Variants in MET observed in about 807,000 individuals in gnomAD.
The protein encoded by MET is MET proto-oncogene, receptor tyrosine kinase, also known as hepatocyte growth factor receptor.
In MET, 48 loss-of-function variants were observed where a neutral mutation model predicts 133.1. That is an observed-to-expected ratio of 0.36 (90% CI 0.29 to 0.46). MET has a LOEUF of 0.46. MET is among the 20% of genes least tolerant of loss of function. The pLI, the probability that MET is intolerant of heterozygous loss-of-function variation, is 1.00. For synonymous variants in MET, 628 were observed against 616.5 expected, an observed-to-expected ratio of 1.02 and a Z score of -0.28; for missense variants, 1,442 against 1,695.9, an observed-to-expected ratio of 0.85 and a Z score of 2.63.
intron 3 of MET, among the ~76,000 whole-genome samples, chr7:116,736,692 G>T (rs923139107): frequency 1.3e-5 from 2 of 152,142 alleles, no homozygotes; most frequent in South Asian, 4.1e-4. Flanking sequence ...GGTAAATTCA[G>T]ATTCTGCCCT....
At chr7:116,730,337 C>G (rs530688528) in intron 2 of MET, among the ~76,000 whole-genome samples, 1 of 152,016 alleles carries the variant, frequency 6.6e-6, no homozygotes, top group Admixed American at 6.5e-5. Context: ...GGGCAGGGGC[C>G]GGATGATGGG....
chr7:116,740,027 G>A lies in MET; in HGVS notation c.1470G>A (p.Val490=), dbSNP rs1281860482. 2 of 1,614,064 alleles carry A rather than the reference G, an allele frequency of 1.2e-6. No homozygotes were observed. The highest frequency in any genetic ancestry group is 4.5e-5 in the East Asian group (2 of 44,874). The change falls in exon 4 of 21, where the codon GTG becomes GTA. Residue 490 remains valine (V), a synonymous_variant. Coordinates refer to ENST00000397752, the MANE Select transcript of MET (RefSeq NM_000245.4). ...LLDSHPVSPE[V]IVEHTLNQNG... ...ACTCCCATCCAGTGTCTCCAGAAGT[G>A]ATTGTGGAGCATACATTAAACCAAA...
chr7:116,684,360 T>C (rs1485770040), intron 1 of MET, among the ~76,000 whole-genome samples: 4 of 152,220 alleles, frequency 2.6e-5, no homozygotes, highest in Non-Finnish European at 4.4e-5. Context: ...AATAAATGCT[T>C]ACTAAGTGCC....
intron 1 of MET, among the ~76,000 whole-genome samples, chr7:116,698,399 G>A (rs1797041741): frequency 6.6e-6 from 1 of 152,092 alleles, no homozygotes; most frequent in Admixed American, 6.6e-5. Context: ...TACATTTTCA[G>A]CCTCCTGTTT....
chr7:116,683,015 T>G (rs1476047036), intron 1 of MET, among the ~76,000 whole-genome samples: 2 of 152,186 alleles, frequency 1.3e-5, no homozygotes, highest in Non-Finnish European at 2.9e-5. Context: ...ACCTCCTCCC[T>G]CTATCCTACC....
At position 116,716,521 on chromosome 7, in the gene MET, G is replaced by GAAAGAAAGAA. The variant is rs1792242209; in HGVS notation, c.1201-15145_1201-15136dup. On this transcript the variant is annotated intron_variant, in intron 2 of 20. Transcript: ENST00000397752. ...AGAAAGAAAGAAAGAAAGAAAGAAA[G>GAAAGAAAGAA]AAAGAAAGAAAGAAAGAAGATATGA... Among the ~76,000 whole-genome samples, 10 of 148,618 alleles carry GAAAGAAAGAA rather than the reference G, an allele frequency of 6.7e-5. No individual in the cohort carries two copies. In the South Asian group the frequency reaches 2.2e-3, roughly 32 times the overall value.
chr7:116,722,769 G>C (rs1451988777), intron 2 of MET, among the ~76,000 whole-genome samples: 5 of 151,884 alleles, frequency 3.3e-5, no homozygotes, highest in Non-Finnish European at 5.9e-5. Context: ...ATGAAATTCT[G>C]GGTTGAAAAT....
In MET at chr7:116,778,971, C is replaced by T. The variant is rs1353133879; in HGVS notation, c.3522+14C>T. The T allele has an allele frequency of 2.5e-6, 4 of 1,613,160 alleles. No homozygotes were observed. The Admixed American group carries it at 6.7e-5, about 27-fold the overall frequency. Reference sequence around the variant, plus strand: ...AATGAGACTCATGTAAGTTGACTGCCAAGCTTACTAACTGGCAAACTAGCT... The same window carrying T: ...AATGAGACTCATGTAAGTTGACTGCTAAGCTTACTAACTGGCAAACTAGCT... On this transcript the variant is annotated intron_variant, in intron 17 of 20. Transcript: ENST00000397752.
intron 1 of MET, among the ~76,000 whole-genome samples, chr7:116,692,690 C>T (rs1179633030): frequency 6.6e-6 from 1 of 152,142 alleles, no homozygotes; most frequent in African/African-American, 2.4e-5. Flanking sequence ...AGGAAGTACT[C>T]CTAAATATCA....
chr7:116,789,330 A>C (rs890117771), intron 19 of MET, among the ~76,000 whole-genome samples: 1 of 152,136 alleles, frequency 6.6e-6, no homozygotes, highest in Non-Finnish European at 1.5e-5. Flanking sequence ...AGTGTCACAA[A>C]TTTACCATGT....
Position 116,763,125 on chromosome 7 carries a change from C to A in MET, c.2440C>A (p.Pro814Thr), listed in dbSNP as rs1052270861. Residue 814 changes from proline to threonine, a missense_variant, in exon 11 of 21, where the codon CCC (proline) becomes ACC (threonine). Around this residue, in one of 6 missense-constraint regions of MET, gnomAD observed 514 missense variants for 659.6 expected, o/e 0.78. Coordinates refer to ENST00000397752, the MANE Select transcript of MET (RefSeq NM_000245.4). ...PSLQQLNLQL[P>T]LKTKAFFMLD... ...CCTGCAACAGCTGAATCTGCAACTCCCCCTGAAAACCAAAGCCTTTTTCAT... is the reference window on the plus strand; with the variant it reads ...CCTGCAACAGCTGAATCTGCAACTCACCCTGAAAACCAAAGCCTTTTTCAT... 1.2e-6 allele frequency: 2 copies of A among 1,613,888 alleles called. No individual in the cohort carries two copies. The highest frequency in any genetic ancestry group is 3.3e-5 in the Admixed American group (2 of 59,972).
chr7:116,743,113 C>T (rs1338551931), intron 5 of MET, among the ~76,000 whole-genome samples: 2 of 152,172 alleles, frequency 1.3e-5, no homozygotes, highest in Non-Finnish European at 2.9e-5. Flanking sequence ...GATGTTGCCT[C>T]ACCTGGGAAG....
At chr7:116,738,627 T>A (rs576220662) in intron 3 of MET, among the ~76,000 whole-genome samples, 40 of 152,198 alleles carry the variant, frequency 2.6e-4, no homozygotes, top group Non-Finnish European at 4.3e-4. Context: ...ACAAATGTCA[T>A]GATGTTTAAC....
intron 2 of MET, among the ~76,000 whole-genome samples, chr7:116,722,382 C>T (rs1157884524): frequency 9.6e-4 from 144 of 149,916 alleles, no homozygotes; most frequent in East Asian, 1.4e-3. Context: ...TGTCTCTGCA[C>T]GTGAGATGGG....
At chr7:116,752,690 AG>A (rs1276739865) in intron 5 of MET, among the ~76,000 whole-genome samples, 2 of 152,250 alleles carry the variant, frequency 1.3e-5, no homozygotes, top group African/African-American at 4.8e-5. Flanking sequence ...TCCTATTGCC[AG>A]TGCCCCAGTT....
At chr7:116,690,462 A>G (rs561903185) in intron 1 of MET, among the ~76,000 whole-genome samples, 23 of 152,348 alleles carry the variant, frequency 1.5e-4, no homozygotes, top group African/African-American at 5.5e-4. Context: ...TGATTATACC[A>G]AAGAGCAGTT....
chr7:116,673,586 C>T (rs1796049026), intron 1 of MET, among the ~76,000 whole-genome samples: 1 of 152,206 alleles, frequency 6.6e-6, no homozygotes, highest in Non-Finnish European at 1.5e-5. Context: ...CTGTCGCTTT[C>T]ATCAGCCAGA....
At chr7:116,784,717 T>C (rs1279990295) in intron 19 of MET, among the ~76,000 whole-genome samples, 1 of 151,546 alleles carries the variant, frequency 6.6e-6, no homozygotes, top group East Asian at 1.9e-4. Context: ...GAACACAGAG[T>C]CAAACCATAT....
chr7:116,715,456 T>G (rs1176675389), intron 2 of MET, among the ~76,000 whole-genome samples: 3 of 152,204 alleles, frequency 2.0e-5, no homozygotes, highest in African/African-American at 7.2e-5. Flanking sequence ...AGGACAACAG[T>G]CATTGAATTC....
Sources: allele counts gnomAD v4.1 joint callset (sites outside exome capture counted in the v4.1 genomes callset), GRCh38; gene constraint gnomAD v4.1.1; regional missense constraint gnomAD v4.1.1; transcripts MANE v1.5; gene names NCBI Gene and HGNC (gene_info 2026-07-23, HGNC 2026-07-21).